The following TTC29 variants were observed in gnomAD, a reference collection of about 807,000 sequenced individuals.
TTC29 encodes tetratricopeptide repeat protein 29.
In TTC29, 49 loss-of-function variants were observed where a neutral mutation model predicts 58.1. That is an observed-to-expected ratio of 0.84 (90% CI 0.67 to 1.07). The LOEUF is 1.07. Ranked by LOEUF, TTC29 falls within the 50% of genes least tolerant of loss-of-function variation. The pLI, the probability that TTC29 is intolerant of heterozygous loss-of-function variation, is 0.00. For synonymous variants in TTC29, 209 were observed against 196.8 expected, an observed-to-expected ratio of 1.06 and a Z score of -0.52; for missense variants, 582 against 555.6, an observed-to-expected ratio of 1.05 and a Z score of -0.48.
intron 8 of TTC29, among the ~76,000 whole-genome samples, chr4:146,855,477 A>G (rs1471128099): frequency 6.6e-6 from 1 of 152,154 alleles, no homozygotes; most frequent in Non-Finnish European, 1.5e-5. Context: ...CAGTCGTGGG[A>G]AAAAATGGAG....
intron 6 of TTC29, 27 bp downstream of exon 6, chr4:146,903,517 A>G: frequency 6.3e-7 from 1 of 1,580,208 alleles, no homozygotes; most frequent in Non-Finnish European, 8.6e-7. Flanking sequence ...AAACATACCC[A>G]AGGCATCCTG....
intron 6 of TTC29, among the ~76,000 whole-genome samples, chr4:146,890,316 C>G (rs1306762566): frequency 6.6e-6 from 1 of 152,138 alleles, no homozygotes; most frequent in Non-Finnish European, 1.5e-5. Context: ...GTTCTCTAAA[C>G]TGAGAAAACA....
chr4:146,880,604 T>C (rs1329152962), intron 6 of TTC29, among the ~76,000 whole-genome samples: 4 of 152,180 alleles, frequency 2.6e-5, no homozygotes, highest in Admixed American at 6.6e-5. Flanking sequence ...ATTTGTTGTA[T>C]CACAGCAGAT....
chr4:146,858,613 A>T (rs145374077), intron 8 of TTC29, among the ~76,000 whole-genome samples: 125 of 152,316 alleles, frequency 8.2e-4, no homozygotes, highest in Non-Finnish European at 1.7e-3. Flanking sequence ...ATCATCTAGC[A>T]CTTCGGAAAA....
intron 11 of TTC29, among the ~76,000 whole-genome samples, chr4:146,787,738 A>G (rs750202605): frequency 5.3e-4 from 81 of 152,262 alleles, no homozygotes; most frequent in Admixed American, 9.8e-4. Flanking sequence ...ATTGGAGTAT[A>G]ATGTCATGTG....
At chr4:146,822,443 C>T (rs532129516) in intron 9 of TTC29, among the ~76,000 whole-genome samples, 15 of 152,248 alleles carry the variant, frequency 9.9e-5, no homozygotes, top group African/African-American at 3.6e-4. Flanking sequence ...GCATAGTATT[C>T]CATGGTGTAT....
intron 11 of TTC29, among the ~76,000 whole-genome samples, chr4:146,738,091 T>A (rs1164191522): frequency 6.6e-6 from 1 of 152,178 alleles, no homozygotes; most frequent in Non-Finnish European, 1.5e-5. Flanking sequence ...CGTCTATGAA[T>A]GGAAATGGAC....
At chr4:146,711,784 A>G (rs552824094) in intron 11 of TTC29, among the ~76,000 whole-genome samples, 1 of 152,238 alleles carries the variant, frequency 6.6e-6, no homozygotes, top group South Asian at 2.1e-4. Flanking sequence ...GATTTCTGAA[A>G]AAGGAACAGA....
intron 4 of TTC29, among the ~76,000 whole-genome samples, chr4:146,913,562 C>CA (rs1204893560): frequency 2.0e-5 from 3 of 151,980 alleles, no homozygotes; most frequent in African/African-American, 7.3e-5. Context: ...GTCTCTCTCC[C>CA]AAAATTCTGA....
At chr4:146,859,442 A>G (rs530019252) in intron 8 of TTC29, among the ~76,000 whole-genome samples, 1 of 152,234 alleles carries the variant, frequency 6.6e-6, no homozygotes, top group South Asian at 2.1e-4. Flanking sequence ...ATATAGTGTA[A>G]GAAAATCTAA....
chr4:146,923,184 T>C (rs545662722), intron 4 of TTC29, among the ~76,000 whole-genome samples: 20 of 152,002 alleles, frequency 1.3e-4, no homozygotes, highest in South Asian at 2.1e-4. Context: ...CCTTGCATTA[T>C]CTGAAAAAAT....
intron 9 of TTC29, among the ~76,000 whole-genome samples, chr4:146,829,474 C>G (rs1728022074): frequency 1.3e-5 from 2 of 152,042 alleles, no homozygotes; most frequent in South Asian, 4.1e-4. Context: ...TTGTGGGCCA[C>G]AGATGAAAGT....
chr4:146,875,025 C>T, intron 6 of TTC29, 97 bp from the exon 7 acceptor site: 1 of 871,616 alleles, frequency 1.1e-6, no homozygotes, highest in Non-Finnish European at 1.8e-6. Context: ...AATGGAGAAA[C>T]ACCGAGGATT....
chr4:146,812,972 A>G (rs972095501), intron 10 of TTC29: 1 of 152,202 alleles, frequency 6.6e-6, no homozygotes, highest in African/African-American at 2.4e-5. Flanking sequence ...TCCTAAATGA[A>G]TCTTACGGGA....
intron 8 of TTC29, among the ~76,000 whole-genome samples, chr4:146,856,317 T>C (rs758817653): frequency 5.3e-5 from 8 of 152,042 alleles, no homozygotes; most frequent in Non-Finnish European, 1.0e-4. Context: ...AAAAAACGAA[T>C]AAGTAAAATA....
chr4:146,753,883 A>G (rs1260432659), intron 11 of TTC29, among the ~76,000 whole-genome samples: 2 of 151,528 alleles, frequency 1.3e-5, no homozygotes. Flanking sequence ...GAAGGGGAAC[A>G]TCACACGCCA....
chr4:146,795,698 G>A (rs1749786447), intron 11 of TTC29, among the ~76,000 whole-genome samples: 1 of 152,128 alleles, frequency 6.6e-6, no homozygotes, highest in African/African-American at 2.4e-5. Context: ...TGCCTTTAAT[G>A]TGTTCATGTT....
At chr4:146,778,976 C>CAAAAAAAAAAAAAAAAAAAAA (rs369374851) in intron 11 of TTC29, among the ~76,000 whole-genome samples, 575 of 28,566 alleles carry the variant, frequency 0.02, 8 homozygotes, top group Admixed American at 0.022. Context: ...CCTAAATAAG[C>CAAAAAAAAAAAAAAAAAAAAA]AAAAAAAAAA....
intron 2 of TTC29, among the ~76,000 whole-genome samples, chr4:146,941,630 C>G (rs1736402126): frequency 1.3e-5 from 2 of 152,146 alleles, no homozygotes; most frequent in Admixed American, 1.3e-4. Flanking sequence ...GAGACAAGCT[C>G]AAAGACGTTA....
Sources: gnomAD v4.1 joint callset for allele counts (sites outside exome capture counted in the v4.1 genomes callset) on GRCh38, gnomAD v4.1.1 for gene constraint, MANE v1.5 for transcripts, NCBI Gene and HGNC (gene_info 2026-07-23, HGNC 2026-07-21) for gene names.